ANKRD34C: variants seen among roughly 807,000 people sequenced by gnomAD.
ANKRD34C encodes ankyrin repeat domain 34C.
For missense variants in ANKRD34C, 563 were observed against 653.0 expected (o/e 0.86, Z 1.50); for synonymous variants, 260 against 253.6 (o/e 1.03, Z -0.24).
intron 1 of ANKRD34C, among the ~76,000 whole-genome samples, chr15:79,289,899 G>A (rs1191820131): frequency 1.3e-5 from 2 of 152,186 alleles, no homozygotes; most frequent in African/African-American, 4.8e-5. Flanking sequence ...ATGTATGTGT[G>A]TGTTTTTGTA....
chr15:79,283,375 G>C (rs1022078504), intron 1 of ANKRD34C, among the ~76,000 whole-genome samples, 147 bp downstream of exon 1: 1 of 152,150 alleles, frequency 6.6e-6, no homozygotes, highest in Non-Finnish European at 1.5e-5. Flanking sequence ...GTGGGAGACG[G>C]GAATGGAAGG....
At chr15:79,292,886 G>A (rs1430890526) in intron 1 of ANKRD34C, among the ~76,000 whole-genome samples, 2 of 152,222 alleles carry the variant, frequency 1.3e-5, no homozygotes, top group Non-Finnish European at 2.9e-5. Context: ...GGAATGTAGA[G>A]TTCTACATTT....
At position 79,294,067 on chromosome 15, in the gene ANKRD34C, G is replaced by C. The variant is rs991849623; in HGVS notation, c.783G>C (p.Ser261=). The C allele has an allele frequency of 6.4e-6, 10 of 1,551,390 alleles. No homozygotes were observed. The highest frequency in any genetic ancestry group is 7.8e-6 in the Non-Finnish European group (9 of 1,146,982). Residue 261 remains serine (S), a synonymous_variant, in exon 2 of 2, where the codon TCG becomes TCC. Coordinates refer to ENST00000421388, the MANE Select transcript of ANKRD34C (RefSeq NM_001146341.2). ...AACCTTGGGGCCTGATAGCGCCCTCGGTGCTGGCAGCCTCGACGCGTCAGG... is the reference window on the plus strand; with the variant it reads ...AACCTTGGGGCCTGATAGCGCCCTCCGTGCTGGCAGCCTCGACGCGTCAGG... ...QSEPWGLIAP[S]VLAASTRQDE... is the part of the protein sequence containing the mutation.
At position 79,293,786 on chromosome 15, in the gene ANKRD34C, C is replaced by G; in HGVS notation, c.502C>G (p.Leu168Val). ...SSGTKTTKQY[L>V]NVPPSPKVED... ...AGGCACCAAAACCACCAAACAGTAT[C>G]TTAATGTCCCTCCTTCACCCAAAGT... Residue 168 changes from leucine (L) to valine (V), a missense_variant, in exon 2 of 2, where the codon CTT becomes GTT. Coordinates refer to ENST00000421388, the MANE Select transcript of ANKRD34C (RefSeq NM_001146341.2). 4 of 1,551,714 alleles carry G rather than the reference C, an allele frequency of 2.6e-6. No individual in the cohort carries two copies. The highest frequency in any genetic ancestry group is 3.5e-6 in the Non-Finnish European group (4 of 1,146,998).
At chr15:79,287,405 A>C (rs2141200597) in intron 1 of ANKRD34C, among the ~76,000 whole-genome samples, 1 of 152,328 alleles carries the variant, frequency 6.6e-6, no homozygotes, top group East Asian at 1.9e-4. Context: ...GCATACCATA[A>C]ATGTTTATTA....
chr15:79,290,800 C>A (rs1243054637), intron 1 of ANKRD34C, among the ~76,000 whole-genome samples: 3 of 152,152 alleles, frequency 2.0e-5, no homozygotes, highest in Non-Finnish European at 1.5e-5. Context: ...CAGGTATAAA[C>A]CTAGGCATGG....
At chr15:79,291,599 C>CAG (rs1274672421) in intron 1 of ANKRD34C, among the ~76,000 whole-genome samples, 7 of 104,154 alleles carry the variant, frequency 6.7e-5, no homozygotes, top group African/African-American at 2.3e-4. Flanking sequence ...CACACACACA[C>CAG]ACAGAGAGAG....
intron 1 of ANKRD34C, among the ~76,000 whole-genome samples, chr15:79,291,927 C>A (rs1258059583): frequency 6.6e-6 from 1 of 152,164 alleles, no homozygotes; most frequent in Non-Finnish European, 1.5e-5. Flanking sequence ...TATATACTTA[C>A]ATGTAGTTTG....
At chr15:79,292,572 G>C (rs528299234) in intron 1 of ANKRD34C, among the ~76,000 whole-genome samples, 1 of 152,294 alleles carries the variant, frequency 6.6e-6, no homozygotes, top group African/African-American at 2.4e-5. Flanking sequence ...AACCTGGAAA[G>C]GGATAACTAG....
rs1596040886 is a variant in ANKRD34C at position 79,294,397 on chromosome 15, C to T, written c.1113C>T (p.Ser371=). The change falls in exon 2 of 2, where the codon TCC becomes TCT. Residue 371 remains serine, a synonymous_variant. Transcript: ENST00000421388. ...CCTCTGCTCTCAAAGAGCCTGCATC[C>T]CTCAAATGGCTGGAAAATGACCTCT... ...SGPSALKEPA[S]LKWLENDLYD... The T allele has an allele frequency of 6.4e-7, 1 of 1,551,506 alleles. No homozygotes were observed.
Position 79,294,291 on chromosome 15 carries a change from G to T in ANKRD34C, c.1007G>T (p.Gly336Val). 1 of 1,551,698 alleles carries T rather than the reference G, an allele frequency of 6.4e-7. No individual in the cohort carries two copies. Among genetic ancestry groups the T allele is most frequent in the Non-Finnish European group, 8.7e-7 (1 of 1,147,006 alleles). The change falls in exon 2 of 2, where the codon GGT becomes GTT. Residue 336 changes from glycine (G) to valine (V), a missense_variant. Transcript: ENST00000421388. ...TCCTGGAAAGCAGCCTATGAGAAAG[G>T]TCAGGCTCCCCACCCACGTCTGGCC... ...PASWKAAYEK[G>V]QAPHPRLARR...
chr15:79,291,585 CACACACACACACACACAGAG>C (rs1225717962), intron 1 of ANKRD34C, among the ~76,000 whole-genome samples: 2 of 117,318 alleles, frequency 1.7e-5, no homozygotes, highest in African/African-American at 3.4e-5. Context: ...CACACACACA[CACACACACACACACACAGAG>C]AGAGAGAGAG....
At chr15:79,290,059 C>T (rs2058655376) in intron 1 of ANKRD34C, among the ~76,000 whole-genome samples, 1 of 152,134 alleles carries the variant, frequency 6.6e-6, no homozygotes, top group East Asian at 1.9e-4. Flanking sequence ...GAGTCTCACT[C>T]TCTCACCCAG....
rs1339777878 is a variant in ANKRD34C, at chr15:79,296,376, A to G, written c.*1484A>G. ...AAAGTGCTGCCATTGTGCCTGGCAC[A>G]GGTAGAAGTCACTGGATAAGAAGTA... On this transcript the variant is annotated 3_prime_UTR_variant, in exon 2 of 2. Coordinates refer to ENST00000421388, the MANE Select transcript of ANKRD34C (RefSeq NM_001146341.2). 6.0e-6 allele frequency: 1 copy of G among 167,154 alleles called. No individual in the cohort carries two copies. The highest frequency in any genetic ancestry group is 1.9e-4 in the East Asian group (1 of 5,206). The allele number at this position is 167,154 out of a possible 1,614,324, so 10.4% of individuals were successfully genotyped here.
chr15:79,288,726 G>T lies in ANKRD34C; in HGVS notation c.-44-4515G>T, dbSNP rs1198072592. 3.3e-5 allele frequency among the ~76,000 whole-genome samples: 5 copies of T among 152,194 alleles called. No individual in the cohort carries two copies. The East Asian group carries it at 5.8e-4, about 18-fold the overall frequency. On this transcript the variant is annotated intron_variant, in intron 1 of 1. Coordinates refer to ENST00000421388, the MANE Select transcript of ANKRD34C (RefSeq NM_001146341.2). ...AGGCATGGTGGCTATGCATATCTGGGATGGTGCATGAATTTAGTCTGTGGT... is the reference window on the plus strand; with the variant it reads ...AGGCATGGTGGCTATGCATATCTGGTATGGTGCATGAATTTAGTCTGTGGT...
intron 1 of ANKRD34C, among the ~76,000 whole-genome samples, chr15:79,288,382 C>T (rs1277462904): frequency 6.6e-6 from 1 of 152,178 alleles, no homozygotes; most frequent in African/African-American, 2.4e-5. Context: ...TAATCTATTG[C>T]ATCTTGGAAC....
rs1297734635 is a variant in ANKRD34C, at chr15:79,293,694, A to C, written c.410A>C (p.His137Pro). 3 of 1,551,552 alleles carry C rather than the reference A, an allele frequency of 1.9e-6. No homozygotes were observed. The highest frequency in any genetic ancestry group is 2.7e-5 in the African/African-American group (2 of 73,056). The change falls in exon 2 of 2, where the codon CAT (histidine) becomes CCT (proline). Residue 137 changes from histidine (H) to proline (P), a missense_variant. Physicochemically the swap from His to Pro is moderately conservative, Grantham distance 77. Transcript: ENST00000421388. ...GCAGATGACAAGGATGCATTGAAGC[A>C]TCTCCTTGATGCCTGCAAAGCCAAA... is the stretch of plus-strand genomic sequence containing the variant. ...INADDKDALKHLLDACKAKGK... is the reference protein window; with the variant it reads ...INADDKDALKPLLDACKAKGK...
At chr15:79,284,886 T>C (rs1412463512) in intron 1 of ANKRD34C, among the ~76,000 whole-genome samples, 2 of 152,196 alleles carry the variant, frequency 1.3e-5, no homozygotes, top group African/African-American at 4.8e-5. Flanking sequence ...GACTGGCACA[T>C]CCTCAGGAGC....
At chr15:79,290,467 G>A (rs1335580085) in intron 1 of ANKRD34C, among the ~76,000 whole-genome samples, 2 of 152,274 alleles carry the variant, frequency 1.3e-5, no homozygotes, top group East Asian at 1.9e-4. Flanking sequence ...AGTCTCACCT[G>A]GGTTCTCTAA....
Sources: allele counts gnomAD v4.1 joint callset (sites outside exome capture counted in the v4.1 genomes callset), GRCh38; gene constraint gnomAD v4.1.1; transcripts MANE v1.5; gene names NCBI Gene and HGNC (gene_info 2026-07-23, HGNC 2026-07-21).